The following ZMYND11 variants were observed in gnomAD, a reference collection of about 807,000 sequenced individuals.
ZMYND11 encodes zinc finger MYND domain-containing protein 11.
ZMYND11 carries 9 observed loss-of-function variants against 84.9 expected under a neutral mutation model. That is an observed-to-expected ratio of 0.11 (90% CI 0.06 to 0.18). The LOEUF is 0.18. Ranked by LOEUF, ZMYND11 falls within the 10% of genes least tolerant of loss-of-function variation. The probability of loss-of-function intolerance (pLI) is 1.00; values close to 1 mark genes in which losing one functional copy is unlikely to be tolerated. For synonymous variants in ZMYND11, 250 were observed against 244.1 expected (o/e 1.02, Z -0.23); for missense variants, 409 against 761.0 (o/e 0.54, Z 5.44).
intron 1 of ZMYND11, among the ~76,000 whole-genome samples, chr10:151,976 G>A (rs1840483402): frequency 6.6e-6 from 1 of 152,184 alleles, no homozygotes. Context: ...AGCTTCATAA[G>A]TGAAGAAGAA....
intron 4 of ZMYND11, among the ~76,000 whole-genome samples, chr10:234,814 GA>G (rs1206860604): frequency 1.3e-5 from 2 of 152,172 alleles, no homozygotes; most frequent in African/African-American, 4.8e-5. Flanking sequence ...ACTTAGTACA[GA>G]AAGCAGTGCA....
chr10:221,380 T>C, intron 4 of ZMYND11, 24 bp downstream of exon 4: 1 of 1,609,184 alleles, frequency 6.2e-7, no homozygotes, highest in Non-Finnish European at 8.5e-7. Flanking sequence ...AGCTTTCCTG[T>C]GCTGGTTAGA....
At chr10:139,092 C>T (rs1289142780) in intron 1 of ZMYND11, among the ~76,000 whole-genome samples, 3 of 152,186 alleles carry the variant, frequency 2.0e-5, no homozygotes, top group South Asian at 4.1e-4. Flanking sequence ...AGGCATGAGC[C>T]ACTGTGCCTG....
intron 2 of ZMYND11, among the ~76,000 whole-genome samples, chr10:186,112 C>A (rs1938343641): frequency 6.6e-6 from 1 of 151,536 alleles, no homozygotes; most frequent in Non-Finnish European, 1.5e-5. Flanking sequence ...CGGGTTCACA[C>A]CATTCTCCTG....
rs368678022 is a variant in ZMYND11 at position 220,821 on chromosome 10, GGTTT to G, written c.277-369_277-366del. Among the ~76,000 whole-genome samples the G allele has an allele frequency of 3.9e-5, 6 of 152,142 alleles. No individual in the cohort carries two copies. In the South Asian group the frequency reaches 8.3e-4, roughly 21 times the overall value. ...TATATGTAAAGCAGAACAAAACAAA[GGTTT>G]GTTTATTTGAAATGCGAAGCTATAG... On this transcript the variant is annotated intron_variant, in intron 3 of 14. Transcript: ENST00000381604.
intron 2 of ZMYND11, among the ~76,000 whole-genome samples, chr10:190,913 G>C (rs1304973478): frequency 1.3e-5 from 2 of 151,718 alleles, no homozygotes; most frequent in Non-Finnish European, 2.9e-5. Flanking sequence ...TATATAATTT[G>C]ATTTCATTAT....
chr10:144,556 G>T (rs1838260754), intron 1 of ZMYND11, among the ~76,000 whole-genome samples: 1 of 150,618 alleles, frequency 6.6e-6, no homozygotes, highest in Non-Finnish European at 1.5e-5. Context: ...AATTTTAGAT[G>T]ACAGTGTTAC....
chr10:156,833 A>T (rs1166575934), intron 1 of ZMYND11, among the ~76,000 whole-genome samples: 1 of 152,230 alleles, frequency 6.6e-6, no homozygotes, highest in African/African-American at 2.4e-5. Context: ...AAAAAGAGCT[A>T]CGTTAAAAAT....
intron 1 of ZMYND11, among the ~76,000 whole-genome samples, chr10:166,949 A>G (rs926869879): frequency 1.3e-5 from 2 of 152,170 alleles, no homozygotes; most frequent in Non-Finnish European, 2.9e-5. Context: ...GTGCAACAAA[A>G]TGGATGAACC....
chr10:195,071 A>G (rs897122791), intron 2 of ZMYND11, among the ~76,000 whole-genome samples: 5 of 152,238 alleles, frequency 3.3e-5, no homozygotes, highest in African/African-American at 1.2e-4. Context: ...TCGTGTATAC[A>G]GATGTGGTAG....
intron 4 of ZMYND11, among the ~76,000 whole-genome samples, chr10:231,291 A>C (rs1194656648): frequency 1.3e-5 from 2 of 152,192 alleles, no homozygotes; most frequent in Admixed American, 1.3e-4. Flanking sequence ...ACGCCCAAGA[A>C]AGTTTGAAGC....
At chr10:233,157 C>T (rs1026907742) in intron 4 of ZMYND11, among the ~76,000 whole-genome samples, 1 of 152,218 alleles carries the variant, frequency 6.6e-6, no homozygotes, top group Admixed American at 6.5e-5. Context: ...CCCCATCCCG[C>T]AGCCGATTGT....
At chr10:145,418 T>C (rs1273773487) in intron 1 of ZMYND11, among the ~76,000 whole-genome samples, 2 of 152,134 alleles carry the variant, frequency 1.3e-5, no homozygotes, top group Non-Finnish European at 2.9e-5. Context: ...TGCCCAGCAG[T>C]GGGATTGCTG....
chr10:197,645 C>T (rs1195973256), intron 2 of ZMYND11, among the ~76,000 whole-genome samples: 1 of 152,184 alleles, frequency 6.6e-6, no homozygotes, highest in African/African-American at 2.4e-5. Context: ...TAAAGTGTAG[C>T]TACTTCTAAT....
intron 1 of ZMYND11, among the ~76,000 whole-genome samples, chr10:175,258 T>C (rs1846338961): frequency 3.3e-5 from 5 of 152,202 alleles, no homozygotes; most frequent in Admixed American, 2.6e-4. Flanking sequence ...TGCTGTGAAC[T>C]TAAAATTGCT....
rs183270256 is a variant in ZMYND11, at chr10:138,903, G to T, written c.-20+3344G>T. Among the ~76,000 whole-genome samples, 13 of 152,268 alleles carry T rather than the reference G, an allele frequency of 8.5e-5. No homozygotes were observed. In the East Asian group the frequency reaches 2.3e-3, roughly 27 times the overall value. ...CTGTCGCCCAGGCTGGAGTGCAGTG[G>T]CACAATCTTGGCTCACTGCAGCCTC... On this transcript the variant is annotated intron_variant, in intron 1 of 14. Coordinates refer to ENST00000381604, the MANE Select transcript of ZMYND11 (RefSeq NM_001370100.5).
chr10:187,584 A>G (rs1466282243), intron 2 of ZMYND11, among the ~76,000 whole-genome samples: 1 of 151,530 alleles, frequency 6.6e-6, no homozygotes, highest in Non-Finnish European at 1.5e-5. Context: ...CAGTGAGCCG[A>G]GATTGCGCCA....
At chr10:247,288 A>C in intron 11 of ZMYND11, 110 bp from the exon 12 acceptor site, 2 of 1,253,280 alleles carry the variant, frequency 1.6e-6, no homozygotes. Flanking sequence ...GGAAGGATGC[A>C]AAAGGTAGAA....
chr10:242,417 A>T (rs1373340844), intron 10 of ZMYND11, among the ~76,000 whole-genome samples: 2 of 152,166 alleles, frequency 1.3e-5, no homozygotes, highest in Non-Finnish European at 2.9e-5. Flanking sequence ...GGGCCTCAGA[A>T]TGTGTCCATT....
Sources: gnomAD v4.1 joint callset for allele counts (sites outside exome capture counted in the v4.1 genomes callset) on GRCh38, gnomAD v4.1.1 for gene constraint, MANE v1.5 for transcripts, NCBI Gene and HGNC (gene_info 2026-07-23, HGNC 2026-07-21) for gene names.